EFNA5: variants seen among roughly 807,000 people sequenced by gnomAD.
EFNA5 encodes ephrin-A5.
Under a neutral mutation model 22.9 loss-of-function variants are expected in EFNA5, and 5 were observed. The ratio of observed to expected loss-of-function variants is 0.22; its 90% CI spans 0.11 to 0.46. The LOEUF is 0.46. Among genes scored for constraint, EFNA5 ranks in the 20% least tolerant of loss-of-function variants. The pLI, the probability that EFNA5 is intolerant of heterozygous loss-of-function variation, is 0.99. For synonymous variants in EFNA5, 113 were observed against 112.2 expected (o/e 1.01, Z -0.04); for missense variants, 237 against 293.3 (o/e 0.81, Z 1.40).
intron 4 of EFNA5, among the ~76,000 whole-genome samples, chr5:107,383,879 G>C (rs563122870): frequency 8.9e-4 from 136 of 152,320 alleles, no homozygotes; most frequent in African/African-American, 3.2e-3. Context: ...GTGACTTTCA[G>C]TCCTTTAACC....
intron 1 of EFNA5, among the ~76,000 whole-genome samples, chr5:107,615,495 C>G (rs1322608408): frequency 1.3e-5 from 2 of 152,096 alleles, no homozygotes; most frequent in African/African-American, 4.8e-5. Flanking sequence ...ATTTAACACC[C>G]CTGCCTTTGC....
intron 1 of EFNA5, among the ~76,000 whole-genome samples, chr5:107,438,126 CTG>C (rs1238315708): frequency 1.3e-5 from 2 of 152,214 alleles, no homozygotes; most frequent in African/African-American, 4.8e-5. Context: ...CAAAGCTGCT[CTG>C]TAATCGTCAG....
intron 1 of EFNA5, among the ~76,000 whole-genome samples, chr5:107,460,940 A>T (rs1749822415): frequency 6.6e-6 from 1 of 152,170 alleles, no homozygotes; most frequent in Non-Finnish European, 1.5e-5. Flanking sequence ...CACGGTATTC[A>T]TTCCACATCT....
chr5:107,439,342 A>G (rs1323758337), intron 1 of EFNA5, among the ~76,000 whole-genome samples: 1 of 152,122 alleles, frequency 6.6e-6, no homozygotes, highest in Non-Finnish European at 1.5e-5. Context: ...CTGTGAGAAA[A>G]TAAATCTCTG....
intron 1 of EFNA5, among the ~76,000 whole-genome samples, chr5:107,571,424 A>C (rs1748802446): frequency 6.6e-6 from 1 of 152,172 alleles, no homozygotes; most frequent in African/African-American, 2.4e-5. Context: ...ATTACCCAGC[A>C]AAGTCCAGTC....
At chr5:107,539,867 A>G (rs1215115222) in intron 1 of EFNA5, among the ~76,000 whole-genome samples, 1 of 152,218 alleles carries the variant, frequency 6.6e-6, no homozygotes. Context: ...GAGGGAAATC[A>G]TGGAAAGAAT....
chr5:107,624,179 G>A (rs1446403565), intron 1 of EFNA5, among the ~76,000 whole-genome samples: 1 of 151,942 alleles, frequency 6.6e-6, no homozygotes. Flanking sequence ...ATAATTAAAA[G>A]GTAATATTAA....
At chr5:107,521,480 T>A (rs919298908) in intron 1 of EFNA5, among the ~76,000 whole-genome samples, 82 of 141,994 alleles carry the variant, frequency 5.8e-4, no homozygotes, top group African/African-American at 2.0e-3. Flanking sequence ...ATATATATTT[T>A]TTTTTTTTTT....
intron 1 of EFNA5, among the ~76,000 whole-genome samples, chr5:107,558,994 G>C (rs1284016970): frequency 2.0e-5 from 3 of 152,224 alleles, no homozygotes; most frequent in Non-Finnish European, 4.4e-5. Context: ...ACTGGAGGCA[G>C]AAATGAAGAG....
At chr5:107,477,208 A>G (rs542160153) in intron 1 of EFNA5, among the ~76,000 whole-genome samples, 7 of 152,382 alleles carry the variant, frequency 4.6e-5, no homozygotes, top group African/African-American at 9.6e-5. Flanking sequence ...ACGGAGAAAC[A>G]TAAGGAATAG....
intron 1 of EFNA5, among the ~76,000 whole-genome samples, chr5:107,615,128 C>T (rs904188571): frequency 2.0e-5 from 3 of 151,990 alleles, no homozygotes; most frequent in Non-Finnish European, 2.9e-5. Context: ...TACCACTAAC[C>T]TTGTTTCTCT....
intron 1 of EFNA5, among the ~76,000 whole-genome samples, chr5:107,658,858 T>C (rs1415761778): frequency 6.6e-6 from 1 of 152,160 alleles, no homozygotes; most frequent in South Asian, 2.1e-4. Flanking sequence ...AACAGTGACC[T>C]AGAAATTACT....
intron 1 of EFNA5, among the ~76,000 whole-genome samples, chr5:107,664,399 T>C (rs886510737): frequency 6.6e-6 from 1 of 152,184 alleles, no homozygotes; most frequent in Non-Finnish European, 1.5e-5. Flanking sequence ...AATCTCCTAG[T>C]AGTGAGTAAT....
intron 2 of EFNA5, among the ~76,000 whole-genome samples, chr5:107,400,006 T>G (rs1748043254): frequency 6.6e-6 from 1 of 152,204 alleles, no homozygotes; most frequent in Non-Finnish European, 1.5e-5. Context: ...TGTACAGTTT[T>G]GGAACATTTA....
rs114539367 is a variant in EFNA5 at position 107,608,699 on chromosome 5, C to T, written c.125+61790G>A. Among the ~76,000 whole-genome samples, 447 of 152,296 alleles carry T rather than the reference C, an allele frequency of 2.9e-3. 4 individuals are homozygous for T. The highest frequency in any genetic ancestry group is 0.01 in the African/African-American group (427 of 41,572). ...CTTCCTACTGGGCAAGACACACCCA[C>T]GACTTCATGGCTGGGCTCACCTTTC... On this transcript the variant is annotated intron_variant, in intron 1 of 4. Transcript: ENST00000333274.
chr5:107,488,687 A>C (rs528701169), intron 1 of EFNA5, among the ~76,000 whole-genome samples: 2 of 151,762 alleles, frequency 1.3e-5, no homozygotes, highest in African/African-American at 4.9e-5. Flanking sequence ...AGACCGAAAA[A>C]CAAAAAAACT....
chr5:107,496,349 A>AC (rs1463335626), intron 1 of EFNA5, among the ~76,000 whole-genome samples: 1 of 149,720 alleles, frequency 6.7e-6, no homozygotes, highest in Non-Finnish European at 1.5e-5. Flanking sequence ...AAAAAAAAAA[A>AC]AAAACAAAAA....
intron 1 of EFNA5, among the ~76,000 whole-genome samples, chr5:107,578,038 G>A (rs1158876160): frequency 6.6e-6 from 1 of 152,098 alleles, no homozygotes; most frequent in African/African-American, 2.4e-5. Context: ...TTTTGGTGAG[G>A]CCTCTACTCT....
intron 1 of EFNA5, among the ~76,000 whole-genome samples, chr5:107,454,079 C>G (rs1418222954): frequency 6.6e-6 from 1 of 152,080 alleles, no homozygotes; most frequent in East Asian, 1.9e-4. Context: ...CCCTTCATAG[C>G]TAACTAGCAT....
Sources: allele counts gnomAD v4.1 joint callset (sites outside exome capture counted in the v4.1 genomes callset), GRCh38; gene constraint gnomAD v4.1.1; transcripts MANE v1.5; gene names NCBI Gene and HGNC (gene_info 2026-07-23, HGNC 2026-07-21).